Variants in DKK2 observed in about 807,000 individuals in gnomAD.
The protein encoded by DKK2 is dickkopf-related protein 2.
Under a neutral mutation model 28.1 loss-of-function variants are expected in DKK2, and 11 were observed. The ratio of observed to expected loss-of-function variants is 0.39; its 90% CI spans 0.25 to 0.65. The LOEUF is 0.65. Among genes scored for constraint, DKK2 ranks in the 30% least tolerant of loss-of-function variants. DKK2 has a pLI of 0.47. For missense variants in DKK2, 326 were observed against 335.5 expected (o/e 0.97, Z 0.22); for synonymous variants, 135 against 126.5 (o/e 1.07, Z -0.45).
intron 1 of DKK2, among the ~76,000 whole-genome samples, chr4:106,964,530 G>C (rs555848929): frequency 1.3e-5 from 2 of 152,248 alleles, no homozygotes; most frequent in South Asian, 4.1e-4. Flanking sequence ...CTATCATAAA[G>C]AAATGTTGAT....
intron 1 of DKK2, among the ~76,000 whole-genome samples, chr4:106,978,108 G>A (rs1397900398): frequency 6.6e-6 from 1 of 152,144 alleles, no homozygotes; most frequent in Admixed American, 6.5e-5. Flanking sequence ...TCCTTCCTTT[G>A]GAAGCTTCAT....
At chr4:106,931,784 C>T (rs12649760) in intron 1 of DKK2, among the ~76,000 whole-genome samples, 4 of 152,034 alleles carry the variant, frequency 2.6e-5, no homozygotes, top group African/African-American at 7.2e-5. Context: ...AACATTCTGC[C>T]TACAGAATTT....
intron 1 of DKK2, among the ~76,000 whole-genome samples, chr4:106,994,771 G>T (rs1355802114): frequency 6.6e-6 from 1 of 152,172 alleles, no homozygotes; most frequent in Non-Finnish European, 1.5e-5. Context: ...GCCCCCTGCT[G>T]CTCTCCTTTG....
intron 1 of DKK2, among the ~76,000 whole-genome samples, chr4:107,006,165 G>C (rs1723435736): frequency 6.6e-6 from 1 of 152,184 alleles, no homozygotes; most frequent in Non-Finnish European, 1.5e-5. Flanking sequence ...GAAGGTAAAT[G>C]TTGGAAACAA....
At chr4:106,969,600 A>ATTT (rs77241310) in intron 1 of DKK2, among the ~76,000 whole-genome samples, 1 of 149,622 alleles carries the variant, frequency 6.7e-6, no homozygotes, top group African/African-American at 2.4e-5. Flanking sequence ...CTCCTCTCTA[A>ATTT]TTTTTTTTTT....
intron 1 of DKK2, among the ~76,000 whole-genome samples, chr4:106,982,028 A>G (rs1723033410): frequency 6.6e-6 from 1 of 152,038 alleles, no homozygotes; most frequent in Non-Finnish European, 1.5e-5. Context: ...CAACACTAAC[A>G]GCACTCTAAT....
At chr4:106,930,052 C>T (rs1192384796) in intron 1 of DKK2, among the ~76,000 whole-genome samples, 7 of 152,076 alleles carry the variant, frequency 4.6e-5, no homozygotes, top group African/African-American at 1.4e-4. Context: ...CTCCGAATAC[C>T]AACAGCATGT....
At chr4:107,017,459 G>A (rs1184413471) in intron 1 of DKK2, among the ~76,000 whole-genome samples, 1 of 151,974 alleles carries the variant, frequency 6.6e-6, no homozygotes, top group Non-Finnish European at 1.5e-5. Context: ...TCATTAGAGA[G>A]AGAGAATCAG....
At chr4:106,972,427 A>AG in intron 1 of DKK2, among the ~76,000 whole-genome samples, 1 of 151,956 alleles carries the variant, frequency 6.6e-6, no homozygotes, top group East Asian at 1.9e-4. Flanking sequence ...AATCTAAAAA[A>AG]AAAAAAAAGA....
At chr4:107,024,728 C>T (rs556526351) in intron 1 of DKK2, among the ~76,000 whole-genome samples, 11 of 152,128 alleles carry the variant, frequency 7.2e-5, no homozygotes, top group Admixed American at 2.6e-4. Flanking sequence ...ACTATTATGA[C>T]AACCATTTTA....
At chr4:106,928,597 A>G (rs1188654897) in intron 1 of DKK2, among the ~76,000 whole-genome samples, 6 of 152,214 alleles carry the variant, frequency 3.9e-5, no homozygotes, top group Non-Finnish European at 8.8e-5. Flanking sequence ...TTGATTAAAG[A>G]AGAGTATAGG....
Position 106,924,707 on chromosome 4 carries a change from A to G in DKK2, c.374-7T>C. ...GTAACTGGGATACAGATGCCTGGAGATGATCATATAATCAGTTAGACTAAT... is the reference window on the plus strand; with the variant it reads ...GTAACTGGGATACAGATGCCTGGAGGTGATCATATAATCAGTTAGACTAAT... On this transcript the variant is annotated splice_region_variant and splice_polypyrimidine_tract_variant and intron_variant, in intron 2 of 3. Coordinates refer to ENST00000285311, the MANE Select transcript of DKK2 (RefSeq NM_014421.3). 1 of 1,612,214 alleles carries G rather than the reference A, an allele frequency of 6.2e-7. No homozygotes were observed. The highest frequency in any genetic ancestry group is 8.5e-7 in the Non-Finnish European group (1 of 1,179,026).
At chr4:106,938,266 A>G (rs1432591909) in intron 1 of DKK2, among the ~76,000 whole-genome samples, 1 of 152,116 alleles carries the variant, frequency 6.6e-6, no homozygotes, top group African/African-American at 2.4e-5. Flanking sequence ...AATAGATGCA[A>G]TAAAAAATGA....
At chr4:107,025,202 T>A (rs1723755703) in intron 1 of DKK2, among the ~76,000 whole-genome samples, 1 of 152,170 alleles carries the variant, frequency 6.6e-6, no homozygotes, top group South Asian at 2.1e-4. Context: ...GAGCTGATTC[T>A]GAGACAGTGT....
At chr4:106,966,220 G>A (rs1722779406) in intron 1 of DKK2, among the ~76,000 whole-genome samples, 1 of 152,156 alleles carries the variant, frequency 6.6e-6, no homozygotes, top group South Asian at 2.1e-4. Flanking sequence ...TGAGGTGTTT[G>A]AAATCATAGA....
rs889986102 is a variant in DKK2, at chr4:106,921,969, A to G, written c.*1985T>C. 6.6e-6 allele frequency: 1 copy of G among 152,632 alleles called. No homozygotes were observed. Among genetic ancestry groups the G allele is most frequent in the Non-Finnish European group, 1.5e-5 (1 of 68,040 alleles). 9.5% of individuals were successfully genotyped at this position (152,632 alleles called of 1,614,324 possible). A position where few individuals can be genotyped will look rare whatever the true frequency, so the allele number is the denominator to read the frequency against. On this transcript the variant is annotated 3_prime_UTR_variant, in exon 4 of 4. Coordinates refer to ENST00000285311, the MANE Select transcript of DKK2 (RefSeq NM_014421.3). ...ATTTCCTGTAAATAAATTACTTCAA[A>G]TAATAATTTTTAAAAGGGTGGACAT... is the stretch of plus-strand genomic sequence containing the variant.
intron 1 of DKK2, among the ~76,000 whole-genome samples, chr4:106,957,357 G>A (rs948224086): frequency 1.3e-5 from 2 of 151,812 alleles, no homozygotes; most frequent in African/African-American, 4.8e-5. Flanking sequence ...ATTCCTCAGG[G>A]ATCTAGAACT....
chr4:107,021,423 A>C (rs541947785), intron 1 of DKK2, among the ~76,000 whole-genome samples: 6 of 152,134 alleles, frequency 3.9e-5, no homozygotes, highest in Admixed American at 6.6e-5. Context: ...TGTGGTGACT[A>C]ATATGGAAAA....
rs758106890 is a variant in DKK2, at chr4:106,924,073, C to G, written c.661G>C (p.Gly221Arg). The change falls in exon 4 of 4, where the codon GGT becomes CGT. Residue 221 changes from glycine (G) to arginine (R), a missense_variant. By Grantham distance (125) the Gly-to-Arg change is moderately radical (BLOSUM62 -2). Coordinates refer to ENST00000285311, the MANE Select transcript of DKK2 (RefSeq NM_014421.3). Reference sequence around the variant, plus strand: ...TGGAAAATTTCCAGCCCATGAGAACCCTTCTTGCGTTGTTTGGTACAGACT... The same window carrying G: ...TGGAAAATTTCCAGCCCATGAGAACGCTTCTTGCGTTGTTTGGTACAGACT... Reference protein sequence around the residue: ...GEVCTKQRKKGSHGLEIFQRC... With the variant: ...GEVCTKQRKKRSHGLEIFQRC... 12 of 1,613,780 alleles carry G rather than the reference C, an allele frequency of 7.4e-6. No individual in the cohort carries two copies. The African/African-American group carries it at 8.0e-5, about 11-fold the overall frequency.
Sources: allele counts gnomAD v4.1 joint callset (sites outside exome capture counted in the v4.1 genomes callset), GRCh38; gene constraint gnomAD v4.1.1; transcripts MANE v1.5; gene names NCBI Gene and HGNC (gene_info 2026-07-23, HGNC 2026-07-21).